The following WDFY4 variants were observed in gnomAD, a reference collection of about 807,000 sequenced individuals.
WDFY4 encodes WDFY family member 4, also known as WD repeat- and FYVE domain-containing protein 4.
WDFY4 carries 169 observed loss-of-function variants against 351.9 expected under a neutral mutation model. The observed-to-expected ratio is 0.48, with a 90% CI of 0.42 to 0.55. The LOEUF (loss-of-function observed/expected upper bound fraction) is 0.55, where lower values mean the gene tolerates loss of function less well. Among genes scored for constraint, WDFY4 ranks in the 20% least tolerant of loss-of-function variants. The pLI is 0.00. For synonymous variants in WDFY4, 1,622 were observed against 1,574.6 expected (o/e 1.03, Z -0.71); for missense variants, 3,803 against 3,935.6 (o/e 0.97, Z 0.90).
chr10:48,967,356 G>T (rs1242741777), intron 55 of WDFY4: 1 of 152,246 alleles, frequency 6.6e-6, no homozygotes, highest in African/African-American at 2.4e-5. Flanking sequence ...AAAAACATGA[G>T]AAATAGGTTG....
chr10:48,744,530 T>C (rs1430685460), intron 12 of WDFY4, among the ~76,000 whole-genome samples: 2 of 152,266 alleles, frequency 1.3e-5, no homozygotes, highest in Admixed American at 1.3e-4. Flanking sequence ...ATTTTTGCAC[T>C]GATATTCAGG....
chr10:48,968,516 G>T, intron 55 of WDFY4: 1 of 154,398 alleles, frequency 6.5e-6, no homozygotes, highest in Non-Finnish European at 1.4e-5. Flanking sequence ...GAAGGGAGTG[G>T]CCCCCACCAG....
intron 13 of WDFY4, among the ~76,000 whole-genome samples, chr10:48,773,092 G>A (rs564180375): frequency 1.4e-4 from 21 of 152,266 alleles, no homozygotes; most frequent in African/African-American, 4.6e-4. Flanking sequence ...AAACCACAAT[G>A]AGATACCATC....
At chr10:48,977,196 G>GCA (rs1266067653) in intron 59 of WDFY4, 61 of 346,918 alleles carry the variant, frequency 1.8e-4, no homozygotes, top group East Asian at 4.3e-4. Flanking sequence ...ACACACACAT[G>GCA]CACACACACA....
intron 1 of WDFY4, 97 bp from the exon 2 acceptor site, chr10:48,709,619 A>AGAAATT: frequency 9.4e-7 from 1 of 1,059,230 alleles, no homozygotes. Flanking sequence ...CATTTTCAAT[A>AGAAATT]GAAACTGGGC....
chr10:48,913,668 A>T, intron 47 of WDFY4: 1 of 1,613,552 alleles, frequency 6.2e-7, no homozygotes, highest in Non-Finnish European at 8.5e-7. Context: ...GAGCTTGGAG[A>T]TGCTCACGGG....
At chr10:48,910,525 C>T (rs958995987) in intron 47 of WDFY4, among the ~76,000 whole-genome samples, 2 of 152,176 alleles carry the variant, frequency 1.3e-5, no homozygotes, top group African/African-American at 4.8e-5. Context: ...AAACCTTTTC[C>T]TTGGCAGAAA....
Position 48,875,113 on chromosome 10 carries a change from A to G in WDFY4, c.6973A>G (p.Ile2325Val), listed in dbSNP as rs1419883090. The G allele has an allele frequency of 1.3e-5, 20 of 1,490,136 alleles. No homozygotes were observed. Among genetic ancestry groups the G allele is most frequent in the Non-Finnish European group, 1.7e-5 (19 of 1,117,760 alleles). The allele number at this position is 1,490,136 out of a possible 1,614,324, so 92.3% of individuals were successfully genotyped here. The change falls in exon 42 of 62, where the codon ATT (isoleucine) becomes GTT (valine). Residue 2325 changes from isoleucine (I) to valine (V), a missense_variant. Around this residue, in one of 3 missense-constraint regions of WDFY4, gnomAD observed 3,054 missense variants for 3,148.6 expected, o/e 0.97. Transcript: ENST00000325239. The stretch of plus-strand genomic sequence containing the variant: ...GGAAAGCCAAGACAAAAATGATCAT[A>G]TTTCTCAAACAAATGCTGAAAACCA... ...HKESQDKNDH[I>V]SQTNAENQDE...
At chr10:48,864,266 T>C (rs2069455669) in intron 39 of WDFY4, among the ~76,000 whole-genome samples, 1 of 152,240 alleles carries the variant, frequency 6.6e-6, no homozygotes, top group Non-Finnish European at 1.5e-5. Flanking sequence ...TTGTATGTTA[T>C]GCAGTAAAGG....
intron 1 of WDFY4, among the ~76,000 whole-genome samples, chr10:48,692,718 C>T (rs981675688): frequency 6.6e-6 from 1 of 152,188 alleles, no homozygotes; most frequent in Non-Finnish European, 1.5e-5. Context: ...TGTGGCCTGC[C>T]TGACTGTGCC....
At chr10:48,863,440 T>A (rs570265314) in intron 39 of WDFY4, among the ~76,000 whole-genome samples, 1 of 152,326 alleles carries the variant, frequency 6.6e-6, no homozygotes, top group East Asian at 1.9e-4. Flanking sequence ...TGCATTTCTC[T>A]GATGACAAAT....
At chr10:48,822,929 T>A (rs1330876242) in intron 35 of WDFY4, among the ~76,000 whole-genome samples, 1 of 152,244 alleles carries the variant, frequency 6.6e-6, no homozygotes, top group Non-Finnish European at 1.5e-5. Context: ...TTTATTTTCT[T>A]CTTTAATACT....
At chr10:48,906,820 G>T (rs1837639338) in intron 47 of WDFY4, among the ~76,000 whole-genome samples, 2 of 152,160 alleles carry the variant, frequency 1.3e-5, no homozygotes. Flanking sequence ...GGAAAAAATA[G>T]GTGTGGTCAT....
chr10:48,727,078 T>C (rs139855368), intron 6 of WDFY4, among the ~76,000 whole-genome samples: 11 of 152,334 alleles, frequency 7.2e-5, no homozygotes, highest in African/African-American at 2.6e-4. Flanking sequence ...CCTCCTCACA[T>C]GTTCATACAT....
chr10:48,893,616 G>T (rs1477862174), intron 44 of WDFY4, among the ~76,000 whole-genome samples: 1 of 152,222 alleles, frequency 6.6e-6, no homozygotes, highest in Non-Finnish European at 1.5e-5. Context: ...CTCCATAGAT[G>T]GAAAGAGTGA....
chr10:48,953,329 T>TCACACACACA (rs780484513), intron 51 of WDFY4, among the ~76,000 whole-genome samples: 1 of 87,504 alleles, frequency 1.1e-5, no homozygotes, highest in African/African-American at 3.6e-5. Flanking sequence ...TCTCTCTCTC[T>TCACACACACA]CTCTCACACA....
intron 39 of WDFY4, among the ~76,000 whole-genome samples, chr10:48,838,565 T>G (rs915382796): frequency 1.3e-5 from 2 of 151,594 alleles, no homozygotes; most frequent in Admixed American, 6.6e-5. Flanking sequence ...ATTATCTTTT[T>G]GAAAAAAAAA....
intron 61 of WDFY4, 62 bp from the exon 62 acceptor site, chr10:48,982,447 T>A: frequency 7.1e-7 from 1 of 1,399,400 alleles, no homozygotes; most frequent in African/African-American, 1.5e-5. Context: ...ATATCCCATG[T>A]GCTGGCGGGG....
rs1436519868 is a variant in WDFY4, at chr10:48,795,534, T to C, written c.4258-764T>C. Among the ~76,000 whole-genome samples, 7 of 67,842 alleles carry C rather than the reference T, an allele frequency of 1.0e-4. 1 individual carries two copies. Among genetic ancestry groups the C allele is most frequent in the African/African-American group, 3.2e-4 (4 of 12,480 alleles). 44.5% of individuals were successfully genotyped at this position (67,842 alleles called of 152,430 possible). ...ATATATATATATATACATATATATATACACACACATGAATAGTCTGGAAAG... is the reference window on the plus strand; with the variant it reads ...ATATATATATATATACATATATATACACACACACATGAATAGTCTGGAAAG... On this transcript the variant is annotated intron_variant, in intron 23 of 61. Coordinates refer to ENST00000325239, the MANE Select transcript of WDFY4 (RefSeq NM_001394531.1).
Sources: gnomAD v4.1 joint callset for allele counts (sites outside exome capture counted in the v4.1 genomes callset) on GRCh38, gnomAD v4.1.1 for gene constraint, gnomAD v4.1.1 regional missense constraint, MANE v1.5 for transcripts, NCBI Gene and HGNC (gene_info 2026-07-23, HGNC 2026-07-21) for gene names.